The following CORO2A variants were observed in gnomAD, a reference collection of about 807,000 sequenced individuals.
The protein encoded by CORO2A is coronin 2A, also known as coronin-2A.
Under a neutral mutation model 62.4 loss-of-function variants are expected in CORO2A, and 47 were observed. The observed-to-expected ratio is 0.75, with a 90% CI of 0.60 to 0.96. The LOEUF (loss-of-function observed/expected upper bound fraction) is 0.96, where lower values mean the gene tolerates loss of function less well. CORO2A is among the 40% of genes least tolerant of loss of function. The pLI is 0.00. For missense variants in CORO2A, 610 were observed against 684.1 expected, an observed-to-expected ratio of 0.89 and a Z score of 1.21; for synonymous variants, 273 against 268.9, an observed-to-expected ratio of 1.02 and a Z score of -0.15.
intron 1 of CORO2A, among the ~76,000 whole-genome samples, chr9:98,168,530 G>A (rs1206806703): frequency 6.6e-6 from 1 of 152,230 alleles, no homozygotes; most frequent in African/African-American, 2.4e-5. Context: ...GCTAGTTAGT[G>A]GCTGGGCTGG....
chr9:98,160,690 A>ACTCCTCC (rs1827872802), intron 1 of CORO2A, among the ~76,000 whole-genome samples: 1 of 151,496 alleles, frequency 6.6e-6, no homozygotes, highest in African/African-American at 2.4e-5. Context: ...AGGCCCCCCC[A>ACTCCTCC]CTCCTCCCTC....
At chr9:98,158,822 A>G (rs116095773) in intron 1 of CORO2A, among the ~76,000 whole-genome samples, 3 of 142,250 alleles carry the variant, frequency 2.1e-5, no homozygotes, top group African/African-American at 8.0e-5. Flanking sequence ...TCAAAGAGAA[A>G]TTAAAAAGAA....
chr9:98,131,524 G>A (rs1000653066), intron 6 of CORO2A, among the ~76,000 whole-genome samples: 2 of 151,968 alleles, frequency 1.3e-5, no homozygotes, highest in African/African-American at 4.8e-5. Context: ...CTGCTGTGTA[G>A]CTCAGGCTGG....
intron 3 of CORO2A, among the ~76,000 whole-genome samples, chr9:98,135,896 G>A (rs568855108): frequency 2.6e-5 from 4 of 152,320 alleles, no homozygotes; most frequent in East Asian, 1.9e-4. Flanking sequence ...AGAACCCCGG[G>A]AGGAAGACAC....
chr9:98,137,993 C>T (rs1161774449), intron 2 of CORO2A, among the ~76,000 whole-genome samples: 1 of 152,194 alleles, frequency 6.6e-6, no homozygotes, highest in East Asian at 1.9e-4. Flanking sequence ...AAGGGCATTT[C>T]CCCTCACACA....
intron 1 of CORO2A, among the ~76,000 whole-genome samples, chr9:98,188,075 C>T (rs756883187): frequency 6.6e-6 from 1 of 152,242 alleles, no homozygotes; most frequent in Non-Finnish European, 1.5e-5. Flanking sequence ...TCTTCTCCCG[C>T]CATCACTCTG....
At chr9:98,176,299 C>T (rs1828108368) in intron 1 of CORO2A, among the ~76,000 whole-genome samples, 1 of 152,218 alleles carries the variant, frequency 6.6e-6, no homozygotes, top group Non-Finnish European at 1.5e-5. Context: ...AATCATATTA[C>T]ATCTAGGGGT....
intron 1 of CORO2A, among the ~76,000 whole-genome samples, chr9:98,187,010 T>C (rs888728905): frequency 6.6e-5 from 10 of 152,124 alleles, no homozygotes; most frequent in Non-Finnish European, 1.3e-4. Flanking sequence ...CCAGGCGCGG[T>C]GGCTCACGCC....
intron 1 of CORO2A, among the ~76,000 whole-genome samples, chr9:98,167,940 C>T (rs56020859): frequency 0.11 from 17,314 of 152,168 alleles, 1,030 homozygotes; most frequent in Middle Eastern, 0.14. Context: ...TGAATCTTTC[C>T]TTTAATTTTG....
intron 1 of CORO2A, among the ~76,000 whole-genome samples, chr9:98,162,657 T>C (rs2118888857): frequency 6.6e-6 from 1 of 152,356 alleles, no homozygotes; most frequent in Admixed American, 6.5e-5. Flanking sequence ...GCGTACTGTG[T>C]GTGCACAAGA....
chr9:98,121,307 G>A lies in CORO2A; in HGVS notation c.*3467C>T, dbSNP rs930942914. 1 of 152,178 alleles carries A rather than the reference G, an allele frequency of 6.6e-6. No individual in the cohort carries two copies. Among genetic ancestry groups the A allele is most frequent in the Non-Finnish European group, 1.5e-5 (1 of 68,032 alleles). The allele number at this position is 152,178 out of a possible 1,614,324, so 9.4% of individuals were successfully genotyped here. A position where few individuals can be genotyped will look rare whatever the true frequency, so the allele number is the denominator to read the frequency against. The stretch of plus-strand genomic sequence containing the variant: ...AGAAAGTTCCTGAGTCAACAGAAAG[G>A]GGACGCCCAGGGTATGGAATAAGGA... On this transcript the variant is annotated 3_prime_UTR_variant, in exon 12 of 12. Transcript: ENST00000375077.
chr9:98,129,947 C>T, intron 7 of CORO2A, 57 bp from the exon 8 acceptor site: 1 of 1,354,632 alleles, frequency 7.4e-7, no homozygotes. Context: ...CTCATCAGCT[C>T]ATCAGCAACC....
intron 2 of CORO2A, among the ~76,000 whole-genome samples, chr9:98,155,495 C>T (rs1335752902): frequency 3.3e-5 from 5 of 151,674 alleles, no homozygotes; most frequent in Non-Finnish European, 5.9e-5. Flanking sequence ...TACAGGTGCC[C>T]GCCACTGTGC....
intron 1 of CORO2A, among the ~76,000 whole-genome samples, chr9:98,185,971 A>C (rs1564221744): frequency 1.3e-5 from 2 of 152,184 alleles, no homozygotes; most frequent in African/African-American, 4.8e-5. Context: ...GCAAAGCCCC[A>C]AACTCACCTC....
rs1023277860 is a variant in CORO2A at position 98,124,618 on chromosome 9, T to C, written c.*156A>G. On this transcript the variant is annotated 3_prime_UTR_variant, in exon 12 of 12. Coordinates refer to ENST00000375077, the MANE Select transcript of CORO2A (RefSeq NM_052820.4). ...GAAGGCAAACAGAAAAACGGCACCA[T>C]GTCCCACTGGAATCTCTTTCAGCGA... is the stretch of plus-strand genomic sequence containing the variant. 6 of 721,932 alleles carry C rather than the reference T, an allele frequency of 8.3e-6. No individual in the cohort carries two copies. The highest frequency in any genetic ancestry group is 3.1e-5 in the East Asian group (1 of 32,028). 44.7% of individuals were successfully genotyped at this position (721,932 alleles called of 1,614,324 possible).
intron 1 of CORO2A, among the ~76,000 whole-genome samples, chr9:98,192,079 GC>G (rs1056105716): frequency 4.6e-5 from 7 of 152,172 alleles, no homozygotes; most frequent in Non-Finnish European, 7.4e-5. Flanking sequence ...ACCCGGGGAT[GC>G]CCCCCACCCC....
intron 1 of CORO2A, among the ~76,000 whole-genome samples, chr9:98,179,516 G>A (rs1452126972): frequency 6.6e-6 from 1 of 152,300 alleles, no homozygotes; most frequent in East Asian, 1.9e-4. Flanking sequence ...TTGGGCTACT[G>A]GTAGATGGCA....
intron 1 of CORO2A, among the ~76,000 whole-genome samples, chr9:98,160,404 G>T (rs1474940033): frequency 6.6e-6 from 1 of 152,138 alleles, no homozygotes; most frequent in Non-Finnish European, 1.5e-5. Flanking sequence ...CTCAGATTTG[G>T]CTCTGAGCTT....
chr9:98,126,196 CG>C (rs1827315882), intron 11 of CORO2A, among the ~76,000 whole-genome samples: 1 of 151,804 alleles, frequency 6.6e-6, no homozygotes, highest in Non-Finnish European at 1.5e-5. Flanking sequence ...CCACCACACC[CG>C]GCTAATTTTT....
Sources: gnomAD v4.1 joint callset for allele counts (sites outside exome capture counted in the v4.1 genomes callset) on GRCh38, gnomAD v4.1.1 for gene constraint, MANE v1.5 for transcripts, NCBI Gene and HGNC (gene_info 2026-07-23, HGNC 2026-07-21) for gene names.